The following KIF26B variants were observed in gnomAD, a reference collection of about 807,000 sequenced individuals.
KIF26B encodes kinesin-like protein KIF26B.
KIF26B carries 63 observed loss-of-function variants against 151.2 expected under a neutral mutation model. The observed-to-expected ratio is 0.42, with a 90% CI of 0.34 to 0.51. The LOEUF (loss-of-function observed/expected upper bound fraction) is 0.51, where lower values mean the gene tolerates loss of function less well. KIF26B is among the 20% of genes least tolerant of loss of function. KIF26B has a pLI of 0.07. For synonymous variants in KIF26B, 1,357 were observed against 1,262.1 expected (o/e 1.08, Z -1.59); for missense variants, 2,813 against 2,913.6 (o/e 0.97, Z 0.79).
At chr1:245,404,911 C>A (rs1674097043) in intron 3 of KIF26B, among the ~76,000 whole-genome samples, 1 of 152,098 alleles carries the variant, frequency 6.6e-6, no homozygotes, top group Non-Finnish European at 1.5e-5. Context: ...TTTTCCATCT[C>A]CCTAAATTTG....
At position 245,545,290 on chromosome 1, in the gene KIF26B, C is replaced by T. The variant is rs12041701; in HGVS notation, c.1350+4340C>T. Among the ~76,000 whole-genome samples, 982 of 152,122 alleles carry T rather than the reference C, an allele frequency of 6.5e-3. 65 individuals carry two copies. In the East Asian group the frequency reaches 0.16, roughly 25 times the overall value. ...TTAATTTTTGTATTTTTAGTAGAGA[C>T]GGGGTTTCTCCATCTTGGCGAGGCT... is the stretch of plus-strand genomic sequence containing the variant. On this transcript the variant is annotated intron_variant, in intron 5 of 14. Transcript: ENST00000407071.
At chr1:245,552,234 G>GGCAGGCTGGAGACGCAGGGAAGAGGT (rs1341326973) in intron 5 of KIF26B, among the ~76,000 whole-genome samples, 1 of 151,210 alleles carries the variant, frequency 6.6e-6, no homozygotes, top group Non-Finnish European at 1.5e-5. Context: ...GAGGTTGGCG[G>GGCAGGCTGGAGACGCAGGGAAGAGGT]GCAGGCTGGA....
At chr1:245,186,608 G>A (rs1325573150) in intron 2 of KIF26B, among the ~76,000 whole-genome samples, 2 of 152,142 alleles carry the variant, frequency 1.3e-5, no homozygotes, top group Non-Finnish European at 2.9e-5. Context: ...GGAGGTTTTA[G>A]TCTAACTTCC....
At chr1:245,483,099 G>A (rs151134237) in intron 4 of KIF26B, among the ~76,000 whole-genome samples, 20 of 151,734 alleles carry the variant, frequency 1.3e-4, no homozygotes, top group African/African-American at 4.6e-4. Context: ...GCTCTGGGTC[G>A]TCTTCTTTTG....
chr1:245,214,604 T>C (rs1252490764), intron 2 of KIF26B, among the ~76,000 whole-genome samples: 1 of 151,480 alleles, frequency 6.6e-6, no homozygotes, highest in Non-Finnish European at 1.5e-5. Context: ...CATGAACATG[T>C]GAGGCAAGTG....
At chr1:245,683,472 G>T (rs1002363996) in intron 10 of KIF26B, among the ~76,000 whole-genome samples, 1 of 152,162 alleles carries the variant, frequency 6.6e-6, no homozygotes, top group Non-Finnish European at 1.5e-5. Flanking sequence ...CATTTCTCCA[G>T]GTCTATTCAA....
intron 10 of KIF26B, among the ~76,000 whole-genome samples, chr1:245,671,626 T>A (rs1289306740): frequency 6.6e-6 from 1 of 152,172 alleles, no homozygotes; most frequent in Non-Finnish European, 1.5e-5. Context: ...CAATAGGACA[T>A]TTTATGTATA....
intron 2 of KIF26B, among the ~76,000 whole-genome samples, chr1:245,364,071 C>G (rs914656819): frequency 6.6e-6 from 1 of 152,182 alleles, no homozygotes; most frequent in African/African-American, 2.4e-5. Flanking sequence ...GTACAGGAAC[C>G]AAGAAGGCCC....
At chr1:245,647,686 C>T (rs968340576) in intron 10 of KIF26B, among the ~76,000 whole-genome samples, 4 of 152,118 alleles carry the variant, frequency 2.6e-5, no homozygotes, top group African/African-American at 9.7e-5. Context: ...GCAGTGTATT[C>T]TATAATTACT....
chr1:245,543,963 G>T (rs915269956), intron 5 of KIF26B, among the ~76,000 whole-genome samples: 2 of 151,742 alleles, frequency 1.3e-5, no homozygotes, highest in Non-Finnish European at 2.9e-5. Context: ...AAAAGAAAAA[G>T]AAAAAGAAAA....
intron 10 of KIF26B, among the ~76,000 whole-genome samples, chr1:245,675,513 A>G (rs555215379): frequency 1.3e-5 from 2 of 152,308 alleles, no homozygotes; most frequent in Admixed American, 6.5e-5. Context: ...AAGCTCATGG[A>G]AAAGGCCACA....
rs537144340 is a variant in KIF26B, at chr1:245,644,091, A to G, written c.2099-2030A>G. ...TTCTCAAATATTTTATTTGTACCAC[A>G]CTCTGTCTTCTCCTTTAGGGACTCC... On this transcript the variant is annotated intron_variant, in intron 9 of 14. Transcript: ENST00000407071. 2.5e-4 allele frequency among the ~76,000 whole-genome samples: 37 copies of G among 149,006 alleles called. No individual in the cohort carries two copies. In the South Asian group the frequency reaches 7.5e-3, roughly 30 times the overall value.
At chr1:245,366,688 G>A (rs937066152) in intron 2 of KIF26B, 146 bp from the exon 3 acceptor site, 9 of 679,024 alleles carry the variant, frequency 1.3e-5, no homozygotes, top group Non-Finnish European at 2.2e-5. Context: ...TTCTGCCAGT[G>A]TGTCTTCTCA....
intron 6 of KIF26B, among the ~76,000 whole-genome samples, chr1:245,604,556 A>G (rs1274545730): frequency 6.6e-6 from 1 of 152,218 alleles, no homozygotes; most frequent in African/African-American, 2.4e-5. Flanking sequence ...ATGGCCTACA[A>G]ATAATTTCAT....
In KIF26B at chr1:245,684,381, A is replaced by G. The variant is rs1558268843; in HGVS notation, c.2407A>G (p.Lys803Glu). ...TGCATCGAGAGTCTTGAGGATGAAG[A>G]AAAAGAAGACGAAGGTAAGGAGCTC... ...QIASRVLRMK[K>E]KKTKYTSSSS... Residue 803 changes from lysine to glutamate, a missense_variant, in exon 11 of 15, where the codon AAA becomes GAA. Lys to Glu is a moderately conservative substitution (Grantham distance 56, BLOSUM62 1). Coordinates refer to ENST00000407071, the MANE Select transcript of KIF26B (RefSeq NM_018012.4). 6.2e-7 allele frequency: 1 copy of G among 1,610,912 alleles called. No homozygotes were observed. The highest frequency in any genetic ancestry group is 8.5e-7 in the Non-Finnish European group (1 of 1,178,002).
intron 2 of KIF26B, among the ~76,000 whole-genome samples, chr1:245,321,638 C>T (rs905617057): frequency 6.6e-5 from 10 of 152,294 alleles, no homozygotes; most frequent in Non-Finnish European, 1.3e-4. Context: ...ACCGAAGCTT[C>T]GAAGGAGGAA....
At chr1:245,338,984 G>GGTTT (rs1553348303) in intron 2 of KIF26B, among the ~76,000 whole-genome samples, 4 of 140,960 alleles carry the variant, frequency 2.8e-5, no homozygotes, top group African/African-American at 2.6e-5. Flanking sequence ...TGCTTTTAGG[G>GGTTT]TTTTTTTTTT....
intron 3 of KIF26B, among the ~76,000 whole-genome samples, chr1:245,387,290 G>A (rs1673574671): frequency 1.3e-5 from 2 of 150,402 alleles, no homozygotes; most frequent in East Asian, 4.0e-4. Flanking sequence ...TCAGCCTCCC[G>A]AGTAGCTGGG....
chr1:245,210,311 CGGGGCAGCTGCT>C (rs1490751680), intron 2 of KIF26B, among the ~76,000 whole-genome samples: 1 of 152,192 alleles, frequency 6.6e-6, no homozygotes, highest in East Asian at 1.9e-4. Context: ...TCCAACCAGC[CGGGGCAGCTGCT>C]GGGACCACCC....
Sources: gnomAD v4.1 joint callset for allele counts (sites outside exome capture counted in the v4.1 genomes callset) on GRCh38, gnomAD v4.1.1 for gene constraint, MANE v1.5 for transcripts, NCBI Gene and HGNC (gene_info 2026-07-23, HGNC 2026-07-21) for gene names.